SLC35F3: variants seen among roughly 807,000 people sequenced by gnomAD.
The protein encoded by SLC35F3 is putative thiamine transporter SLC35F3.
SLC35F3 carries 25 observed loss-of-function variants against 49.9 expected under a neutral mutation model. The ratio of observed to expected loss-of-function variants is 0.50; its 90% confidence interval spans 0.37 to 0.70. SLC35F3 has a LOEUF of 0.70. SLC35F3 is among the 30% of genes least tolerant of loss of function. The probability of loss-of-function intolerance (pLI) is 0.00; values close to 1 mark genes in which losing one functional copy is unlikely to be tolerated. For missense variants in SLC35F3, 525 were observed against 639.8 expected (o/e 0.82, Z 1.94); for synonymous variants, 275 against 265.4 (o/e 1.04, Z -0.35).
intron 2 of SLC35F3, among the ~76,000 whole-genome samples, chr1:234,135,925 C>G (rs1665804251): frequency 6.6e-6 from 1 of 152,208 alleles, no homozygotes; most frequent in Non-Finnish European, 1.5e-5. Context: ...AGTCCCAGTC[C>G]TCCGCTGTGT....
At chr1:234,140,160 A>G (rs2358209) in intron 2 of SLC35F3, among the ~76,000 whole-genome samples, 43,625 of 151,406 alleles carry the variant, frequency 0.29, 8,758 homozygotes, top group East Asian at 0.74. Flanking sequence ...ATCCTCTCGC[A>G]CTACTCAGAA....
rs118046673 is a variant in SLC35F3, at chr1:234,197,625, G to A, written c.284-33792G>A. Reference sequence around the variant, plus strand: ...AAGAAGGGTGCTGGGGGAAGTGAGAGGGGCAGTTCTCCTGCCCACAAGAAC... The same window carrying A: ...AAGAAGGGTGCTGGGGGAAGTGAGAAGGGCAGTTCTCCTGCCCACAAGAAC... On this transcript the variant is annotated intron_variant, in intron 2 of 7. Coordinates refer to ENST00000366618, the MANE Select transcript of SLC35F3 (RefSeq NM_173508.4). 6.1e-3 allele frequency among the ~76,000 whole-genome samples: 924 copies of A among 152,350 alleles called. 7 individuals carry two copies. Among genetic ancestry groups the A allele is most frequent in the South Asian group, 0.03 (147 of 4,826 alleles).
intron 2 of SLC35F3, among the ~76,000 whole-genome samples, chr1:233,917,600 C>T (rs562512383): frequency 1.1e-4 from 17 of 152,298 alleles, no homozygotes; most frequent in Admixed American, 3.3e-4. Context: ...CATTTTTCTT[C>T]CTCTAGCAGA....
At chr1:234,269,948 C>T (rs570247746) in intron 3 of SLC35F3, among the ~76,000 whole-genome samples, 126 of 152,264 alleles carry the variant, frequency 8.3e-4, no homozygotes, top group Non-Finnish European at 1.4e-3. Flanking sequence ...TGTCATGCTT[C>T]TTGTACAGCC....
chr1:233,993,216 C>G (rs1166341408), intron 2 of SLC35F3, among the ~76,000 whole-genome samples: 2 of 152,172 alleles, frequency 1.3e-5, no homozygotes, highest in Admixed American at 1.3e-4. Context: ...ATCCACCCAA[C>G]TCAGCCTCCC....
chr1:234,000,220 CA>C (rs780341500), intron 2 of SLC35F3, among the ~76,000 whole-genome samples: 6 of 152,104 alleles, frequency 3.9e-5, no homozygotes, highest in Non-Finnish European at 7.4e-5. Flanking sequence ...TGGTGAAAAA[CA>C]GCTCCCTATT....
chr1:234,079,468 A>T (rs1664843139), intron 2 of SLC35F3, among the ~76,000 whole-genome samples: 1 of 152,242 alleles, frequency 6.6e-6, no homozygotes, highest in Admixed American at 6.5e-5. Context: ...TAAAAAGACA[A>T]CCTACAGAAA....
At chr1:233,966,603 G>T (rs1299311598) in intron 2 of SLC35F3, among the ~76,000 whole-genome samples, 1 of 152,102 alleles carries the variant, frequency 6.6e-6, no homozygotes, top group African/African-American at 2.4e-5. Context: ...CAGCTAAATT[G>T]CCAACTCCAA....
At chr1:234,153,885 A>G (rs193122602) in intron 2 of SLC35F3, among the ~76,000 whole-genome samples, 1,835 of 149,746 alleles carry the variant, frequency 0.012, 33 homozygotes, top group Non-Finnish European at 0.019. Context: ...CATGCTGGCT[A>G]ACCCCGTCTC....
intron 2 of SLC35F3, among the ~76,000 whole-genome samples, chr1:234,167,506 C>T (rs1666337576): frequency 6.6e-6 from 1 of 152,174 alleles, no homozygotes; most frequent in Non-Finnish European, 1.5e-5. Context: ...AATGGAGCTA[C>T]TGTATTTTGA....
chr1:234,278,004 G>A (rs1269276564), intron 3 of SLC35F3, among the ~76,000 whole-genome samples: 1 of 152,060 alleles, frequency 6.6e-6, no homozygotes, highest in Non-Finnish European at 1.5e-5. Flanking sequence ...AACCAGCCTG[G>A]GCAACATGGT....
chr1:233,960,472 G>T (rs533792888), intron 2 of SLC35F3, among the ~76,000 whole-genome samples: 9 of 152,284 alleles, frequency 5.9e-5, no homozygotes, highest in African/African-American at 2.2e-4. Flanking sequence ...AGATCATCTG[G>T]CTCTGTGTCT....
chr1:233,944,723 T>C (rs1662484932), intron 2 of SLC35F3, among the ~76,000 whole-genome samples: 1 of 152,208 alleles, frequency 6.6e-6, no homozygotes, highest in Admixed American at 6.5e-5. Context: ...ATTTTGTTGC[T>C]AACAGCAGAG....
At chr1:234,019,392 C>G (rs1663857088) in intron 2 of SLC35F3, among the ~76,000 whole-genome samples, 1 of 152,032 alleles carries the variant, frequency 6.6e-6, no homozygotes, top group South Asian at 2.1e-4. Flanking sequence ...GAGACAGAAA[C>G]AGAGAGAAAT....
At chr1:234,145,187 G>A (rs1665978411) in intron 2 of SLC35F3, among the ~76,000 whole-genome samples, 1 of 152,178 alleles carries the variant, frequency 6.6e-6, no homozygotes, top group Non-Finnish European at 1.5e-5. Context: ...TTACCGCACT[G>A]TCCCGCTGTG....
chr1:234,157,085 G>C (rs1371406974), intron 2 of SLC35F3, among the ~76,000 whole-genome samples: 1 of 152,142 alleles, frequency 6.6e-6, no homozygotes, highest in African/African-American at 2.4e-5. Context: ...CCGTTGAAGT[G>C]TGCACTTTAA....
intron 2 of SLC35F3, among the ~76,000 whole-genome samples, chr1:234,062,442 TTCAGG>T (rs1245354299): frequency 4.6e-5 from 7 of 152,194 alleles, no homozygotes; most frequent in African/African-American, 1.4e-4. Flanking sequence ...TTGAATAGTT[TTCAGG>T]TCAATGTTTG....
intron 3 of SLC35F3, among the ~76,000 whole-genome samples, chr1:234,251,947 G>T (rs1476437334): frequency 6.6e-6 from 1 of 151,560 alleles, no homozygotes; most frequent in East Asian, 1.9e-4. Context: ...AATTCCAAAT[G>T]GAATTTAGGT....
At position 233,975,603 on chromosome 1, in the gene SLC35F3, GA is replaced by G. The variant is rs1475102452; in HGVS notation, c.283+69846del. Among the ~76,000 whole-genome samples the G allele has an allele frequency of 2.6e-5, 4 of 152,338 alleles. No individual in the cohort carries two copies. The South Asian group carries it at 8.3e-4, about 32-fold the overall frequency. Reference sequence around the variant, plus strand: ...GTGATAGACATGATATCCATGATGGGACTCCAAGGGCACTTTGTGGTGGGAG... The same window carrying G: ...GTGATAGACATGATATCCATGATGGGCTCCAAGGGCACTTTGTGGTGGGAG... On this transcript the variant is annotated intron_variant, in intron 2 of 7. Transcript: ENST00000366618.
Sources: allele counts gnomAD v4.1 joint callset (sites outside exome capture counted in the v4.1 genomes callset), GRCh38; gene constraint gnomAD v4.1.1; transcripts MANE v1.5; gene names NCBI Gene and HGNC (gene_info 2026-07-23, HGNC 2026-07-21).